The following GABRB2 variants were observed in gnomAD, a reference collection of about 807,000 sequenced individuals.
The protein encoded by GABRB2 is gamma-aminobutyric acid receptor subunit beta-2.
Under a neutral mutation model 54.7 loss-of-function variants are expected in GABRB2, and 16 were observed. That is an observed-to-expected ratio of 0.29 (90% CI 0.20 to 0.44). The LOEUF (loss-of-function observed/expected upper bound fraction) is 0.44. GABRB2 is among the 20% of genes least tolerant of loss of function. The pLI is 1.00. For missense variants in GABRB2, 355 were observed against 644.0 expected (o/e 0.55, Z 4.86); for synonymous variants, 244 against 233.8 (o/e 1.04, Z -0.40).
At chr5:161,405,912 A>G (rs1756336711) in intron 5 of GABRB2, among the ~76,000 whole-genome samples, 1 of 152,052 alleles carries the variant, frequency 6.6e-6, no homozygotes, top group South Asian at 2.1e-4. Flanking sequence ...TCCATCAATG[A>G]CCCAACAACA....
intron 4 of GABRB2, among the ~76,000 whole-genome samples, chr5:161,454,229 G>A (rs1177475267): frequency 6.6e-6 from 1 of 152,094 alleles, no homozygotes; most frequent in African/African-American, 2.4e-5. Flanking sequence ...GCTTGCCTTG[G>A]GGATTGAGGG....
chr5:161,393,291 T>A (rs1755887640), intron 5 of GABRB2, among the ~76,000 whole-genome samples: 1 of 98,204 alleles, frequency 1.0e-5, no homozygotes, highest in African/African-American at 3.8e-5. Context: ...TATAACTCTT[T>A]AAAAATGTAA....
At chr5:161,378,523 G>T (rs1755374486) in intron 5 of GABRB2, among the ~76,000 whole-genome samples, 1 of 152,038 alleles carries the variant, frequency 6.6e-6, no homozygotes, top group African/African-American at 2.4e-5. Flanking sequence ...TGTTTACTGT[G>T]GTTCTAGGGG....
chr5:161,447,202 G>A (rs1370132258), intron 4 of GABRB2, among the ~76,000 whole-genome samples: 1 of 152,136 alleles, frequency 6.6e-6, no homozygotes, highest in Non-Finnish European at 1.5e-5. Flanking sequence ...AGCTTAGAAA[G>A]ATAGAGCACA....
At position 161,294,111 on chromosome 5, in the gene GABRB2, GT is replaced by G; in HGVS notation, c.1508del (p.Asn503ThrfsTer9). 6.2e-7 allele frequency: 1 copy of G among 1,613,602 alleles called. No individual in the cohort carries two copies. The highest frequency in any genetic ancestry group is 8.5e-7 in the Non-Finnish European group (1 of 1,179,554). ...IFFPVVFSFF[N>X]IVYWLYYVN ...TCACATAATAAAGCCAATAGACGAT[GT>G]TGAAGAAGGAAAAAACCACTGGGAA... On this transcript the variant is annotated frameshift_variant, in exon 10 of 10. Coordinates refer to ENST00000393959, the MANE Select transcript of GABRB2 (RefSeq NM_001371727.1). LOFTEE classifies it high-confidence loss of function.
intron 3 of GABRB2, among the ~76,000 whole-genome samples, chr5:161,509,689 C>T (rs1471231901): frequency 6.6e-6 from 1 of 151,898 alleles, no homozygotes; most frequent in Non-Finnish European, 1.5e-5. Flanking sequence ...AGATATTTTA[C>T]ACTTAGAATG....
At chr5:161,459,875 G>A (rs1458522202) in intron 3 of GABRB2, 31 bp from the exon 4 acceptor site, 4 of 1,353,392 alleles carry the variant, frequency 3.0e-6, no homozygotes, top group Non-Finnish European at 4.2e-6. Context: ...AACATGGTTA[G>A]TTTACACCCA....
At chr5:161,405,417 T>A (rs1290795395) in intron 5 of GABRB2, among the ~76,000 whole-genome samples, 1 of 152,106 alleles carries the variant, frequency 6.6e-6, no homozygotes, top group Non-Finnish European at 1.5e-5. Context: ...TGCACAAAGA[T>A]CTCTATCTTG....
At chr5:161,384,539 T>C (rs903480941) in intron 5 of GABRB2, among the ~76,000 whole-genome samples, 1 of 152,162 alleles carries the variant, frequency 6.6e-6, no homozygotes, top group African/African-American at 2.4e-5. Context: ...ATCCGACACC[T>C]GCTTACTAAT....
intron 5 of GABRB2, among the ~76,000 whole-genome samples, chr5:161,357,586 G>T: frequency 6.6e-6 from 1 of 152,008 alleles, no homozygotes. Context: ...TTCTTTGTTG[G>T]GAATGTTCTA....
At chr5:161,389,730 A>G (rs1755762066) in intron 5 of GABRB2, among the ~76,000 whole-genome samples, 1 of 151,936 alleles carries the variant, frequency 6.6e-6, no homozygotes, top group Non-Finnish European at 1.5e-5. Flanking sequence ...TCACCAATAT[A>G]ATATCAGTAT....
At chr5:161,430,578 G>C (rs374681355) in intron 4 of GABRB2, among the ~76,000 whole-genome samples, 1 of 152,126 alleles carries the variant, frequency 6.6e-6, no homozygotes, top group East Asian at 1.9e-4. Context: ...CTAGCATATA[G>C]AGTTGCTGTC....
intron 9 of GABRB2, among the ~76,000 whole-genome samples, chr5:161,309,624 T>C (rs181830412): frequency 2.5e-4 from 37 of 150,352 alleles, no homozygotes; most frequent in Admixed American, 1.9e-3. Context: ...CCATCAGTGA[T>C]AGACTAAATT....
intron 2 of GABRB2, among the ~76,000 whole-genome samples, 158 bp from the exon 3 acceptor site, chr5:161,545,452 A>T (rs1561689263): frequency 6.6e-6 from 1 of 151,696 alleles, no homozygotes; most frequent in African/African-American, 2.4e-5. Flanking sequence ...AAAAAAAAAA[A>T]AAAGGTAGCA....
chr5:161,473,372 G>T (rs13180081), intron 3 of GABRB2, among the ~76,000 whole-genome samples: 3,412 of 152,004 alleles, frequency 0.022, 61 homozygotes, highest in Non-Finnish European at 0.034. Context: ...TCCAAGATGC[G>T]GAAAAAGTGT....
At chr5:161,409,826 T>C (rs1308006997) in intron 5 of GABRB2, among the ~76,000 whole-genome samples, 1 of 152,192 alleles carries the variant, frequency 6.6e-6, no homozygotes, top group Non-Finnish European at 1.5e-5. Context: ...ATAAAGTTAA[T>C]AATTGAAATC....
intron 4 of GABRB2, among the ~76,000 whole-genome samples, chr5:161,449,904 CAGA>C (rs1757744042): frequency 1.3e-5 from 2 of 152,132 alleles, no homozygotes; most frequent in Admixed American, 1.3e-4. Context: ...TCTGGTGACT[CAGA>C]AGGTTCACTC....
At chr5:161,430,811 A>G (rs1200500040) in intron 4 of GABRB2, among the ~76,000 whole-genome samples, 2 of 152,018 alleles carry the variant, frequency 1.3e-5, no homozygotes, top group Non-Finnish European at 2.9e-5. Flanking sequence ...CTATTAAACT[A>G]CTCTCCCATT....
intron 9 of GABRB2, among the ~76,000 whole-genome samples, chr5:161,305,177 C>G (rs369527015): frequency 6.6e-6 from 1 of 151,118 alleles, no homozygotes; most frequent in African/African-American, 2.4e-5. Flanking sequence ...CCACCGCGCC[C>G]GGCTAATTTT....
Sources: allele counts gnomAD v4.1 joint callset (sites outside exome capture counted in the v4.1 genomes callset), GRCh38; gene constraint gnomAD v4.1.1; transcripts MANE v1.5; gene names NCBI Gene and HGNC (gene_info 2026-07-23, HGNC 2026-07-21).